Variants in TMEM161B observed in about 807,000 individuals in gnomAD.
TMEM161B encodes the protein transmembrane protein 161B.
TMEM161B carries 34 observed loss-of-function variants against 61.8 expected under a neutral mutation model. The ratio of observed to expected loss-of-function variants is 0.55; its 90% CI spans 0.42 to 0.73. The LOEUF is 0.73. Ranked by LOEUF, TMEM161B falls within the 30% of genes least tolerant of loss-of-function variation. The probability of loss-of-function intolerance (pLI) is 0.00; values close to 1 mark genes in which losing one functional copy is unlikely to be tolerated. For missense variants in TMEM161B, 456 were observed against 558.5 expected, an observed-to-expected ratio of 0.82 and a Z score of 1.85; for synonymous variants, 167 against 192.8, an observed-to-expected ratio of 0.87 and a Z score of 1.11.
intron 1 of TMEM161B, among the ~76,000 whole-genome samples, chr5:88,253,046 T>C (rs1374620793): frequency 6.6e-6 from 1 of 152,160 alleles, no homozygotes; most frequent in African/African-American, 2.4e-5. Flanking sequence ...TGATGAAATA[T>C]ACAAAATACC....
downstream of TMEM161B, among the ~76,000 whole-genome samples, chr5:88,192,000 A>G (rs1481266474): frequency 3.5e-4 from 29 of 83,154 alleles, no homozygotes; most frequent in African/African-American, 5.0e-4. Flanking sequence ...ATATATATAT[A>G]TATATATATA....
downstream of TMEM161B, among the ~76,000 whole-genome samples, chr5:88,191,699 T>C (rs931034436): frequency 6.6e-6 from 1 of 151,846 alleles, no homozygotes; most frequent in Non-Finnish European, 1.5e-5. Flanking sequence ...GGCCCACGCC[T>C]GTAATCCCAG....
intron 6 of TMEM161B, among the ~76,000 whole-genome samples, chr5:88,206,750 A>C (rs934943923): frequency 4.6e-5 from 7 of 152,128 alleles, no homozygotes; most frequent in Admixed American, 3.9e-4. Context: ...TTAATTCTTC[A>C]ACTATAAGAG....
chr5:88,252,371 T>C (rs574309271), intron 1 of TMEM161B, among the ~76,000 whole-genome samples: 2 of 152,240 alleles, frequency 1.3e-5, no homozygotes, highest in South Asian at 4.1e-4. Flanking sequence ...AAAGATCACC[T>C]AGGACTTCTA....
downstream of TMEM161B, chr5:88,190,111 C>T (rs1469716438): frequency 5.7e-6 from 4 of 700,898 alleles, no homozygotes; most frequent in Non-Finnish European, 1.0e-5. Context: ...TAAGCCTCCA[C>T]CCACCCAGAG....
chr5:88,266,185 T>C (rs1756353586), intron 1 of TMEM161B, among the ~76,000 whole-genome samples: 1 of 152,228 alleles, frequency 6.6e-6, no homozygotes, highest in Non-Finnish European at 1.5e-5. Context: ...AGTATCGGTA[T>C]ACATAATGTA....
rs201250084 is a variant in TMEM161B at position 88,239,582 on chromosome 5, T to C, written c.107+1231A>G. Among the ~76,000 whole-genome samples the C allele has an allele frequency of 2.4e-3, 363 of 152,132 alleles. 4 individuals carry two copies. The highest frequency in any genetic ancestry group is 3.1e-3 in the East Asian group (16 of 5,172). On this transcript the variant is annotated intron_variant, in intron 2 of 11. Coordinates refer to ENST00000296595, the MANE Select transcript of TMEM161B (RefSeq NM_153354.5). ...CACTTTACCAAAACTTTAGCCATTA[T>C]TTATTTTGTTCCTCAAAATGTGCAT...
chr5:88,226,725 A>T lies in TMEM161B; in HGVS notation c.192-859T>A, dbSNP rs559978660. Among the ~76,000 whole-genome samples, 4 of 152,350 alleles carry T rather than the reference A, an allele frequency of 2.6e-5. No homozygotes were observed. The East Asian group carries it at 5.8e-4, about 22-fold the overall frequency. On this transcript the variant is annotated intron_variant, in intron 3 of 11. Transcript: ENST00000296595. ...CAAACAATAATTCTTGTTACTAGGA[A>T]CAAGGCAGCAATGTTAATGTATCTT...
intron 5 of TMEM161B, among the ~76,000 whole-genome samples, chr5:88,211,964 C>T (rs191172828): frequency 6.6e-6 from 1 of 151,964 alleles, no homozygotes; most frequent in East Asian, 1.9e-4. Flanking sequence ...AAAAGCCCAC[C>T]ACAAGGAAGT....
In TMEM161B at chr5:88,268,831, G is replaced by C. The variant is rs982093405; in HGVS notation, c.-108C>G. The C allele has an allele frequency of 1.1e-5, 18 of 1,579,020 alleles. No individual in the cohort carries two copies. In the African/African-American group the frequency reaches 2.0e-4, roughly 18 times the overall value. The stretch of plus-strand genomic sequence containing the variant: ...AGAGACTCTCAAACAGCGAAAGAGA[G>C]GGTCTTCCGGCTCTGCCGGAAGTTG... On this transcript the variant is annotated 5_prime_UTR_variant, in exon 1 of 12. Coordinates refer to ENST00000296595, the MANE Select transcript of TMEM161B (RefSeq NM_153354.5).
rs369140661 is a variant in TMEM161B at position 88,229,383 on chromosome 5, T to G, written c.108-855A>C. Among the ~76,000 whole-genome samples, 188 of 152,232 alleles carry G rather than the reference T, an allele frequency of 1.2e-3. 1 individual carries two copies. The highest frequency in any genetic ancestry group is 4.2e-3 in the African/African-American group (175 of 41,548). ...AGTTCAGACCTTAGTTCAGTGTATC[T>G]TCCTCTGAACATCTGACTACTGCAA... On this transcript the variant is annotated intron_variant, in intron 2 of 11. Coordinates refer to ENST00000296595, the MANE Select transcript of TMEM161B (RefSeq NM_153354.5).
At chr5:88,261,730 C>CAA (rs70996464) in intron 1 of TMEM161B, among the ~76,000 whole-genome samples, 1,615 of 49,226 alleles carry the variant, frequency 0.033, 191 homozygotes, top group Middle Eastern at 0.048. Context: ...CATTCATGTG[C>CAA]AAAAAAAAAA....
chr5:88,214,824 T>G (rs548262641), intron 5 of TMEM161B, among the ~76,000 whole-genome samples: 25 of 152,102 alleles, frequency 1.6e-4, no homozygotes, highest in African/African-American at 6.0e-4. Context: ...TTAGTTTGGG[T>G]TTAGGAGTGA....
chr5:88,237,267 T>C (rs549832094), intron 2 of TMEM161B, among the ~76,000 whole-genome samples: 4 of 152,292 alleles, frequency 2.6e-5, no homozygotes, highest in South Asian at 2.1e-4. Flanking sequence ...CCCCAGCCTA[T>C]GTAATGTGGG....
chr5:88,217,670 C>A (rs1748136760), intron 5 of TMEM161B, among the ~76,000 whole-genome samples: 1 of 152,126 alleles, frequency 6.6e-6, no homozygotes, highest in Non-Finnish European at 1.5e-5. Flanking sequence ...CTGCCCACAT[C>A]TGAAGCAAGT....
intron 5 of TMEM161B, among the ~76,000 whole-genome samples, chr5:88,215,145 A>T (rs1446041507): frequency 6.6e-6 from 1 of 152,218 alleles, no homozygotes; most frequent in Non-Finnish European, 1.5e-5. Context: ...GACCATTTTA[A>T]CAAGGAACAT....
chr5:88,249,511 G>A (rs1754053403), intron 1 of TMEM161B, among the ~76,000 whole-genome samples: 1 of 152,010 alleles, frequency 6.6e-6, no homozygotes, highest in Non-Finnish European at 1.5e-5. Context: ...CTTGCACGTA[G>A]TTCCAATGGC....
chr5:88,246,460 T>C (rs1399932309), intron 1 of TMEM161B, among the ~76,000 whole-genome samples: 1 of 151,834 alleles, frequency 6.6e-6, no homozygotes, highest in Non-Finnish European at 1.5e-5. Context: ...TTATATGTAT[T>C]ATCAATTTAA....
At chr5:88,240,476 T>C (rs1752539635) in intron 2 of TMEM161B, among the ~76,000 whole-genome samples, 3 of 151,750 alleles carry the variant, frequency 2.0e-5, no homozygotes, top group South Asian at 2.1e-4. Flanking sequence ...GAGGACTGAA[T>C]TCTTGTCCAT....
Sources: gnomAD v4.1 joint callset for allele counts (sites outside exome capture counted in the v4.1 genomes callset) on GRCh38, gnomAD v4.1.1 for gene constraint, MANE v1.5 for transcripts, NCBI Gene and HGNC (gene_info 2026-07-23, HGNC 2026-07-21) for gene names.